Variants in RXRA observed in about 807,000 individuals in gnomAD.
RXRA encodes retinoic acid receptor RXR-alpha.
A neutral mutation model predicts 44.5 loss-of-function variants in RXRA; 5 were observed. The observed-to-expected ratio is 0.11, with a 90% CI of 0.06 to 0.24. The LOEUF (loss-of-function observed/expected upper bound fraction) is 0.24, where lower values mean the gene tolerates loss of function less well. Among genes scored for constraint, RXRA ranks in the 10% least tolerant of loss-of-function variants. RXRA has a pLI of 1.00. For missense variants in RXRA, 412 were observed against 646.5 expected, an observed-to-expected ratio of 0.64 and a Z score of 3.93; for synonymous variants, 291 against 271.4, an observed-to-expected ratio of 1.07 and a Z score of -0.71.
intron 1 of RXRA, among the ~76,000 whole-genome samples, chr9:134,352,118 G>C (rs374522951): frequency 6.6e-6 from 1 of 152,194 alleles, no homozygotes; most frequent in Non-Finnish European, 1.5e-5. Context: ...AGTCGGGCTG[G>C]GGTGCAGCAA....
At chr9:134,395,944 G>T (rs1237516728) in intron 1 of RXRA, among the ~76,000 whole-genome samples, 7 of 152,238 alleles carry the variant, frequency 4.6e-5, no homozygotes, top group Admixed American at 2.6e-4. Context: ...CCGCTAGCGG[G>T]CCATGCTCCT....
Position 134,338,804 on chromosome 9 carries a change from A to C in RXRA, c.28+12145A>C, listed in dbSNP as rs1330934085. Among the ~76,000 whole-genome samples, 7 of 152,300 alleles carry C rather than the reference A, an allele frequency of 4.6e-5. No homozygotes were observed. In the East Asian group the frequency reaches 1.4e-3, roughly 29 times the overall value. ...CCTTGCGGGTGAGACTGGGGGAGCGAGCAGGCCTCTGTTGGGACTTGGGAG... is the reference window on the plus strand; with the variant it reads ...CCTTGCGGGTGAGACTGGGGGAGCGCGCAGGCCTCTGTTGGGACTTGGGAG... On this transcript the variant is annotated intron_variant, in intron 1 of 9. Coordinates refer to ENST00000481739, the MANE Select transcript of RXRA (RefSeq NM_002957.6).
At chr9:134,354,804 A>G (rs1171645338) in intron 1 of RXRA, among the ~76,000 whole-genome samples, 1 of 152,234 alleles carries the variant, frequency 6.6e-6, no homozygotes, top group Non-Finnish European at 1.5e-5. Context: ...CAGGCTCCCC[A>G]GGCTGCAATT....
At chr9:134,396,347 G>A (rs997486328) in intron 1 of RXRA, among the ~76,000 whole-genome samples, 1 of 152,040 alleles carries the variant, frequency 6.6e-6, no homozygotes, top group African/African-American at 2.4e-5. Context: ...ACCTTGACGC[G>A]CCGTGGTCCC....
intron 1 of RXRA, among the ~76,000 whole-genome samples, chr9:134,370,904 C>T (rs538085423): frequency 8.2e-4 from 125 of 152,290 alleles, no homozygotes; most frequent in Non-Finnish European, 1.4e-3. Flanking sequence ...GAGGGGCCAT[C>T]GCGGAAGGTG....
rs368016983 is a variant in RXRA at position 134,417,193 on chromosome 9, A to G, written c.646A>G (p.Asn216Asp). 13 of 1,613,244 alleles carry G rather than the reference A, an allele frequency of 8.1e-6. No homozygotes were observed. Among genetic ancestry groups the G allele is most frequent in the Non-Finnish European group, 9.3e-6 (11 of 1,179,930 alleles). Residue 216 changes from asparagine to aspartate, a missense_variant, in exon 5 of 10, where the codon AAC (asparagine) becomes GAC (aspartate). Transcript: ENST00000481739. This position sits in a 1 kb window ranked among gnomAD's most constrained non-coding sequence, Gnocchi z 6.1. ...QEERQRGKDR[N>D]ENEVESTSSA... ...GGAGCGGCAGCGTGGCAAGGACCGG[A>G]ACGAGAATGAGGTGGAGTCGACCAG...
chr9:134,334,863 A>G (rs1489392751), intron 1 of RXRA, among the ~76,000 whole-genome samples: 1 of 152,184 alleles, frequency 6.6e-6, no homozygotes, highest in Admixed American at 6.5e-5. Flanking sequence ...TGAGCTAGCC[A>G]GGGTGGGTGT....
chr9:134,421,319 C>T (rs1361372459), intron 5 of RXRA, among the ~76,000 whole-genome samples: 1 of 152,194 alleles, frequency 6.6e-6, no homozygotes, highest in Non-Finnish European at 1.5e-5. Context: ...TGGCCTCTTC[C>T]TCCACCTTCA....
chr9:134,404,123 G>A (rs1831009747), intron 2 of RXRA: 1 of 152,242 alleles, frequency 6.6e-6, no homozygotes, highest in African/African-American at 2.4e-5. Context: ...CCCACTCCTA[G>A]CCCCAAAACC....
chr9:134,432,039 T>C, intron 8 of RXRA, 43 bp downstream of exon 8: 1 of 1,503,246 alleles, frequency 6.7e-7, no homozygotes, highest in Non-Finnish European at 9.2e-7. Flanking sequence ...CGTTCTCTGG[T>C]GGGGCAGAGG....
At chr9:134,409,568 G>T (rs548475478) in intron 4 of RXRA, among the ~76,000 whole-genome samples, 5 of 152,332 alleles carry the variant, frequency 3.3e-5, no homozygotes, top group Admixed American at 3.3e-4. Flanking sequence ...TAACAAATCT[G>T]TGTCGGGGCG....
At chr9:134,425,857 C>G in intron 6 of RXRA, 1 of 985,084 alleles carries the variant, frequency 1.0e-6, no homozygotes, top group Non-Finnish European at 1.2e-6. Flanking sequence ...TCATTTAACT[C>G]TCCAGACCAC....
chr9:134,353,984 G>T (rs1359621613), intron 1 of RXRA, among the ~76,000 whole-genome samples: 4 of 152,218 alleles, frequency 2.6e-5, no homozygotes, highest in Non-Finnish European at 5.9e-5. Flanking sequence ...GTTCACTGCG[G>T]ATGGAGGGGG....
intron 1 of RXRA, among the ~76,000 whole-genome samples, chr9:134,327,843 G>A (rs1285904404): frequency 6.6e-6 from 1 of 152,166 alleles, no homozygotes; most frequent in Admixed American, 6.5e-5. Flanking sequence ...CGGGGCAGGC[G>A]GTGGGTTCCA....
rs748463004 is a variant in RXRA, at chr9:134,401,667, C to T, written c.64C>T (p.Pro22Ser). ...CCAGGTGAACTCCTCCCTCACCTCC[C>T]CGACGGGGCGAGGCTCCATGGCTGC... Reference protein sequence around the residue: ...STQVNSSLTSPTGRGSMAAPS... With the variant: ...STQVNSSLTSSTGRGSMAAPS... Residue 22 changes from proline (P) to serine (S), a missense_variant, in exon 2 of 10, where the codon CCG becomes TCG. Around this residue, in one of 4 missense-constraint regions of RXRA, gnomAD observed 156 missense variants for 177.2 expected, o/e 0.88. Transcript: ENST00000481739. 2 of 1,613,092 alleles carry T rather than the reference C, an allele frequency of 1.2e-6. No individual in the cohort carries two copies. The highest frequency in any genetic ancestry group is 2.2e-5 in the South Asian group (2 of 91,090).
At chr9:134,334,771 C>T (rs1183603030) in intron 1 of RXRA, among the ~76,000 whole-genome samples, 1 of 152,226 alleles carries the variant, frequency 6.6e-6, no homozygotes, top group African/African-American at 2.4e-5. Flanking sequence ...TGGGAAATGG[C>T]TCTATGCCCT....
At chr9:134,337,186 G>T (rs1437582593) in intron 1 of RXRA, among the ~76,000 whole-genome samples, 2 of 152,230 alleles carry the variant, frequency 1.3e-5, no homozygotes, top group African/African-American at 2.4e-5. Context: ...GCCTGCCCTT[G>T]TTGGGGACCT....
chr9:134,436,755 C>A lies in RXRA; in HGVS notation c.*141C>A. On this transcript the variant is annotated 3_prime_UTR_variant, in exon 10 of 10. Coordinates refer to ENST00000481739, the MANE Select transcript of RXRA (RefSeq NM_002957.6). ...GGGGCACAGCCTGTCACTGCTCTGC[C>A]TAAGAGATGTGTTGTCACCCTCCTT... is the stretch of plus-strand genomic sequence containing the variant. 1.1e-6 allele frequency: 1 copy of A among 875,704 alleles called. No individual in the cohort carries two copies. Among genetic ancestry groups the A allele is most frequent in the African/African-American group, 1.7e-5 (1 of 59,352 alleles). The allele number at this position is 875,704 out of a possible 1,614,324, so 54.2% of individuals were successfully genotyped here.
At chr9:134,340,622 T>C (rs1830074789) in intron 1 of RXRA, among the ~76,000 whole-genome samples, 1 of 152,174 alleles carries the variant, frequency 6.6e-6, no homozygotes, top group Admixed American at 6.5e-5. Context: ...GCAGACGGTC[T>C]CGGTGCATGA....
Sources: gnomAD v4.1 joint callset for allele counts (sites outside exome capture counted in the v4.1 genomes callset) on GRCh38, gnomAD v4.1.1 for gene constraint, gnomAD v4.1.1 regional missense constraint, Gnocchi (gnomAD v3.1) non-coding constraint, MANE v1.5 for transcripts, NCBI Gene and HGNC (gene_info 2026-07-23, HGNC 2026-07-21) for gene names.